The following WDR72 variants were observed in gnomAD, a reference collection of about 807,000 sequenced individuals.
WDR72 encodes WD repeat domain 72, also known as WD repeat-containing protein 72.
WDR72 carries 120 observed loss-of-function variants against 124.2 expected under a neutral mutation model. The observed-to-expected ratio is 0.97, with a 90% CI of 0.83 to 1.12. The LOEUF (loss-of-function observed/expected upper bound fraction) is 1.12, where lower values mean the gene tolerates loss of function less well. WDR72 is among the 50% of genes most tolerant of loss of function. The pLI is 0.00. For missense variants in WDR72, 1,387 were observed against 1,278.8 expected (o/e 1.08, Z -1.29); for synonymous variants, 452 against 441.7 (o/e 1.02, Z -0.29).
chr15:53,660,566 T>C (rs1178571905), intron 14 of WDR72, among the ~76,000 whole-genome samples: 7 of 152,100 alleles, frequency 4.6e-5, no homozygotes, highest in African/African-American at 1.7e-4. Context: ...CACATCACCA[T>C]AAGGTCAGCT....
At chr15:53,532,615 T>C (rs1300561677) in intron 18 of WDR72, among the ~76,000 whole-genome samples, 1 of 150,862 alleles carries the variant, frequency 6.6e-6, no homozygotes, top group Admixed American at 6.6e-5. Context: ...AGATAGAGAG[T>C]AGAATGATGG....
chr15:53,705,225 C>T lies in WDR72; in HGVS notation c.1111G>A (p.Val371Ile). The change falls in exon 11 of 20, where the codon GTA becomes ATA. Residue 371 changes from valine (V) to isoleucine (I), a missense_variant. Val to Ile is a conservative substitution (Grantham distance 29, BLOSUM62 3). Transcript: ENST00000360509. ...TCTTGAAGAGTCCAGGTGGCAGTTA[C>T]TGGTATCTCTAAAAAGAAAACAGAC... ...KFDGSPREIP[V>I]TATWTLQDNF... is the part of the protein sequence containing the mutation. The T allele has an allele frequency of 1.2e-6, 2 of 1,613,130 alleles. No individual in the cohort carries two copies. The highest frequency in any genetic ancestry group is 1.7e-6 in the Non-Finnish European group (2 of 1,179,998).
chr15:53,595,119 A>G (rs77429754), intron 18 of WDR72, among the ~76,000 whole-genome samples: 2,412 of 152,222 alleles, frequency 0.016, 42 homozygotes, highest in East Asian at 0.076. Context: ...ACCAACATAT[A>G]AAGTAGGTGT....
At chr15:53,750,660 C>T (rs1247408520) in intron 1 of WDR72, among the ~76,000 whole-genome samples, 1 of 152,194 alleles carries the variant, frequency 6.6e-6, no homozygotes, top group Non-Finnish European at 1.5e-5. Flanking sequence ...AGGTTCACCA[C>T]TTTAGGTGCC....
chr15:53,570,479 G>A (rs1272923354), intron 18 of WDR72, among the ~76,000 whole-genome samples: 1 of 151,936 alleles, frequency 6.6e-6, no homozygotes, highest in Non-Finnish European at 1.5e-5. Context: ...CAATAAACAT[G>A]AAAAAATGCT....
intron 1 of WDR72, among the ~76,000 whole-genome samples, chr15:53,744,002 G>A (rs1469453473): frequency 6.6e-6 from 1 of 151,470 alleles, no homozygotes; most frequent in Non-Finnish European, 1.5e-5. Context: ...TTTATCAAAT[G>A]AATCTTCTCT....
At chr15:53,657,427 T>A (rs970966866) in intron 14 of WDR72, among the ~76,000 whole-genome samples, 3 of 151,988 alleles carry the variant, frequency 2.0e-5, no homozygotes, top group Non-Finnish European at 2.9e-5. Context: ...TGAAGGCAAA[T>A]GTAAAGATGT....
At chr15:53,543,689 AATT>A (rs1893283386) in intron 18 of WDR72, among the ~76,000 whole-genome samples, 1 of 152,014 alleles carries the variant, frequency 6.6e-6, no homozygotes, top group South Asian at 2.1e-4. Flanking sequence ...CCGTTCAAAA[AATT>A]AATGAATCCA....
intron 14 of WDR72, among the ~76,000 whole-genome samples, chr15:53,657,191 G>C (rs148782805): frequency 6.8e-6 from 1 of 147,768 alleles, no homozygotes; most frequent in African/African-American, 2.5e-5. Flanking sequence ...TTGAACCTGG[G>C]AGGCACAGAC....
chr15:53,581,464 A>T (rs8035944), intron 18 of WDR72, among the ~76,000 whole-genome samples: 2,714 of 152,184 alleles, frequency 0.018, 80 homozygotes, highest in African/African-American at 0.062. Flanking sequence ...AAATGTTCAG[A>T]TGCTTATGAA....
intron 18 of WDR72, among the ~76,000 whole-genome samples, chr15:53,551,996 T>C (rs1893748028): frequency 6.6e-6 from 1 of 152,078 alleles, no homozygotes; most frequent in African/African-American, 2.4e-5. Context: ...GGAATTGAAG[T>C]GACCATTCAG....
At chr15:53,756,250 G>C (rs185200293) in intron 1 of WDR72, among the ~76,000 whole-genome samples, 1 of 152,244 alleles carries the variant, frequency 6.6e-6, no homozygotes, top group African/African-American at 2.4e-5. Context: ...TTCATAAGGG[G>C]CTTCCCCCTT....
At chr15:53,713,728 G>A (rs2017621105) in intron 6 of WDR72, among the ~76,000 whole-genome samples, 1 of 152,070 alleles carries the variant, frequency 6.6e-6, no homozygotes, top group African/African-American at 2.4e-5. Context: ...AAAGTGCTGG[G>A]ATTACAGGCG....
At chr15:53,740,542 C>T (rs550889654) in intron 1 of WDR72, among the ~76,000 whole-genome samples, 2 of 152,236 alleles carry the variant, frequency 1.3e-5, no homozygotes, top group South Asian at 2.1e-4. Flanking sequence ...GTGATCCGCC[C>T]GCCTCCGCCT....
intron 18 of WDR72, among the ~76,000 whole-genome samples, chr15:53,582,730 T>A (rs2011996997): frequency 6.6e-6 from 1 of 152,004 alleles, no homozygotes; most frequent in Non-Finnish European, 1.5e-5. Flanking sequence ...CTAACATATA[T>A]AATAAACTAA....
At chr15:53,673,995 A>G (rs947776696) in intron 13 of WDR72, among the ~76,000 whole-genome samples, 2 of 147,230 alleles carry the variant, frequency 1.4e-5, no homozygotes, top group African/African-American at 5.2e-5. Flanking sequence ...CCATCTCAAG[A>G]AAAAAAAAAG....
rs553800186 is a variant in WDR72 at position 53,587,205 on chromosome 15, T to C, written c.3148+9874A>G. Among the ~76,000 whole-genome samples, 71 of 152,176 alleles carry C rather than the reference T, an allele frequency of 4.7e-4. 1 individual carries two copies. In the South Asian group the frequency reaches 0.015, roughly 31 times the overall value. On this transcript the variant is annotated intron_variant, in intron 18 of 19. Coordinates refer to ENST00000360509, the MANE Select transcript of WDR72 (RefSeq NM_182758.4). ...TGAAAAGAAAAGCTTTGTATGTAAT[T>C]TCCCAAGTCCAGAACATAACTTTGT...
intron 1 of WDR72, among the ~76,000 whole-genome samples, chr15:53,745,954 A>C (rs142705770): frequency 6.6e-6 from 1 of 152,292 alleles, no homozygotes; most frequent in Non-Finnish European, 1.5e-5. Context: ...CCCATCGGAA[A>C]TTCTTAGGGA....
chr15:53,548,418 C>T (rs1005022602), intron 18 of WDR72, among the ~76,000 whole-genome samples: 2 of 152,148 alleles, frequency 1.3e-5, no homozygotes, highest in Non-Finnish European at 2.9e-5. Flanking sequence ...ATTGGAATTC[C>T]TGTTGTGCAT....
Sources: allele counts gnomAD v4.1 joint callset (sites outside exome capture counted in the v4.1 genomes callset), GRCh38; gene constraint gnomAD v4.1.1; transcripts MANE v1.5; gene names NCBI Gene and HGNC (gene_info 2026-07-23, HGNC 2026-07-21).